The following DDN variants were observed in gnomAD, a reference collection of about 807,000 sequenced individuals.
DDN encodes dendrin.
In DDN, 4 loss-of-function variants were observed where a neutral mutation model predicts 7.3. The observed-to-expected ratio is 0.55, with a 90% CI of 0.27 to 1.25. DDN has a LOEUF of 1.25. Ranked by LOEUF, DDN falls within the 50% of genes most tolerant of loss-of-function variation. The pLI is 0.12. For synonymous variants in DDN, 425 were observed against 424.3 expected, an observed-to-expected ratio of 1.00 and a Z score of -0.02; for missense variants, 933 against 974.7, an observed-to-expected ratio of 0.96 and a Z score of 0.57.
At chr12:48,998,731 C>G in intron 1 of DDN, 65 bp from the exon 2 acceptor site, 1 of 1,419,988 alleles carries the variant, frequency 7.0e-7, no homozygotes, top group Non-Finnish European at 9.1e-7. Context: ...GTCCGGGGAG[C>G]TGGGAGCACT....
At position 48,996,951 on chromosome 12, in the gene DDN, T is replaced by A. The variant is rs370976391; in HGVS notation, c.1925A>T (p.Asp642Val). 3.2e-6 allele frequency: 5 copies of A among 1,583,952 alleles called. No homozygotes were observed. In the African/African-American group the frequency reaches 4.0e-5, roughly 13 times the overall value. ...GCCCGGGGCTTCTGTGTCGCTTCCA[T>A]CAGAGGAGCCGCTATGGACGCTGAG... ...EELSVHSGSS[D>V]GSDTEAPGAS... The change falls in exon 2 of 2, where the codon GAT (aspartate) becomes GTT (valine). Residue 642 changes from aspartate to valine, a missense_variant. Coordinates refer to ENST00000421952, the MANE Select transcript of DDN (RefSeq NM_015086.2).
intron 1 of DDN, 44 bp from the exon 2 acceptor site, chr12:48,998,710 A>G (rs1453300821): frequency 6.9e-7 from 1 of 1,445,470 alleles, no homozygotes; most frequent in Non-Finnish European, 9.0e-7. Context: ...TTGTGGGGGA[A>G]GGGAGCCGAG....
Position 48,997,970 on chromosome 12 carries a change from C to T in DDN, c.906G>A (p.Ala302=). The T allele has an allele frequency of 6.2e-7, 1 of 1,613,152 alleles. No homozygotes were observed. Among genetic ancestry groups the T allele is most frequent in the Non-Finnish European group, 8.5e-7 (1 of 1,180,006 alleles). The change falls in exon 2 of 2, where the codon GCG becomes GCA. Residue 302 remains alanine, a synonymous_variant. Transcript: ENST00000421952. The part of the protein sequence containing the change: ...GLLGGSPGCG[A]ARARPEPGKG... ...TGCCGGGCTCTGGCCTTGCTCTGGCCGCTCCACAGCCTGGGGATCCCCCCA... is the reference window on the plus strand; with the variant it reads ...TGCCGGGCTCTGGCCTTGCTCTGGCTGCTCCACAGCCTGGGGATCCCCCCA...
chr12:48,998,326 C>T lies in DDN; in HGVS notation c.550G>A (p.Asp184Asn), dbSNP rs867904797. 3 of 1,548,924 alleles carry T rather than the reference C, an allele frequency of 1.9e-6. No individual in the cohort carries two copies. In the Middle Eastern group the frequency reaches 5.3e-4, roughly 272 times the overall value. Residue 184 changes from aspartate (D) to asparagine (N), a missense_variant, in exon 2 of 2, where the codon GAC (aspartate) becomes AAC (asparagine). Asp to Asn is a conservative substitution (Grantham distance 23). Coordinates refer to ENST00000421952, the MANE Select transcript of DDN (RefSeq NM_015086.2). ...GGCCCCGCCCACGCCGACCCTGGGT[C>T]GCTCTGCGGCTGCGCGGATGGACGG... ...APRPSAQPQS[D>N]PGSAWAGPWG...
chr12:48,999,253 T>G lies in DDN; in HGVS notation c.35A>C (p.Asp12Ala). 1 of 1,560,194 alleles carries G rather than the reference T, an allele frequency of 6.4e-7. No homozygotes were observed. Among genetic ancestry groups the G allele is most frequent in the Non-Finnish European group, 8.7e-7 (1 of 1,151,922 alleles). The change falls in exon 1 of 2, where the codon GAC becomes GCC. Residue 12 changes from aspartate to alanine, a missense_variant. By Grantham distance (126) the Asp-to-Ala change is moderately radical. Transcript: ENST00000421952. ...LDGPLFSEGP[D>A]SPRELQDEES... is the part of the protein sequence containing the mutation. ...CTCATCCTGGAGCTCCCGGGGGCTG[T>G]CAGGCCCCTCGGAGAACAGTGGGCC...
In DDN at chr12:48,998,145, C is replaced by CT; in HGVS notation, c.730dup (p.Arg244LysfsTer81). The CT allele has an allele frequency of 6.2e-7, 1 of 1,613,580 alleles. No individual in the cohort carries two copies. Among genetic ancestry groups the CT allele is most frequent in the Non-Finnish European group, 8.5e-7 (1 of 1,179,996 alleles). On this transcript the variant is annotated frameshift_variant, in exon 2 of 2. Coordinates refer to ENST00000421952, the MANE Select transcript of DDN (RefSeq NM_015086.2). LOFTEE classifies it low-confidence loss of function (END_TRUNC). ...GGGCACCTGAGAGTTCCCGGGGCCT[C>CT]TCTTAGTCCCCAAGGTCCTATGGGG...
Position 48,999,375 on chromosome 12 carries a change from C to G in DDN, c.-88G>C. 1 of 1,270,190 alleles carries G rather than the reference C, an allele frequency of 7.9e-7. No individual in the cohort carries two copies. Among genetic ancestry groups the G allele is most frequent in the Non-Finnish European group, 1.1e-6 (1 of 936,150 alleles). The allele number at this position is 1,270,190 out of a possible 1,614,324, so 78.7% of individuals were successfully genotyped here. A position where few individuals can be genotyped will look rare whatever the true frequency, so the allele number is the denominator to read the frequency against. On this transcript the variant is annotated 5_prime_UTR_variant, in exon 1 of 2. Coordinates refer to ENST00000421952, the MANE Select transcript of DDN (RefSeq NM_015086.2). The stretch of plus-strand genomic sequence containing the variant: ...AGGGAGCCGGCGCCCACTGCAGAGC[C>G]GCGGGCCCGGGGACTGGGAACTATA...
At position 48,996,507 on chromosome 12, in the gene DDN, C is replaced by A; in HGVS notation, c.*233G>T. On this transcript the variant is annotated 3_prime_UTR_variant, in exon 2 of 2. Transcript: ENST00000421952. Reference sequence around the variant, plus strand: ...GCATCAGCCCCTGCGAAGAGCTCACCCTTGTGCCCTGAACATAACAGACAT... The same window carrying A: ...GCATCAGCCCCTGCGAAGAGCTCACACTTGTGCCCTGAACATAACAGACAT... 2 of 654,126 alleles carry A rather than the reference C, an allele frequency of 3.1e-6. No individual in the cohort carries two copies. The highest frequency in any genetic ancestry group is 4.5e-5 in the South Asian group (2 of 44,826). 40.5% of individuals were successfully genotyped at this position (654,126 alleles called of 1,614,324 possible). A position where few individuals can be genotyped will look rare whatever the true frequency, so the allele number is the denominator to read the frequency against.
chr12:48,998,699 T>C, intron 1 of DDN, 33 bp from the exon 2 acceptor site: 1 of 1,458,682 alleles, frequency 6.9e-7, no homozygotes, highest in Non-Finnish European at 9.0e-7. Context: ...AGGTGAGCAG[T>C]TTGTGGGGGA....
chr12:48,997,952 C>T lies in DDN; in HGVS notation c.924G>A (p.Glu308=), dbSNP rs372315136. ...PGCGAARARP[E]PGKGVVEKSL... ...TTTTCTCCACGACCCCCTTGCCGGG[C>T]TCTGGCCTTGCTCTGGCCGCTCCAC... The change falls in exon 2 of 2, where the codon GAG becomes GAA. Residue 308 remains glutamate (E), a synonymous_variant. Transcript: ENST00000421952. 1.2e-5 allele frequency: 20 copies of T among 1,612,988 alleles called. No individual in the cohort carries two copies. The highest frequency in any genetic ancestry group is 1.6e-5 in the Non-Finnish European group (19 of 1,180,012).
rs1442024718 is a variant in DDN at position 48,999,213 on chromosome 12, G to A, written c.75C>T (p.Cys25=). ...RELQDEESGS[C]LWVQKSKLLV... is the part of the protein sequence containing the mutation. ...ATAGCTTGGACTTCTGCACCCAGAGGCAGCTGCCAGACTCCTCATCCTGGA... is the reference window on the plus strand; with the variant it reads ...ATAGCTTGGACTTCTGCACCCAGAGACAGCTGCCAGACTCCTCATCCTGGA... The change falls in exon 1 of 2, where the codon TGC becomes TGT. Residue 25 remains cysteine, a synonymous_variant. Coordinates refer to ENST00000421952, the MANE Select transcript of DDN (RefSeq NM_015086.2). 1 of 1,601,562 alleles carries A rather than the reference G, an allele frequency of 6.2e-7. No homozygotes were observed. Among genetic ancestry groups the A allele is most frequent in the Non-Finnish European group, 8.5e-7 (1 of 1,174,100 alleles).
Position 48,998,918 on chromosome 12 carries a change from C to G in DDN, c.209+161G>C, listed in dbSNP as rs1445603042. ...TTTCTCACACCCACTTCTGTTCCCC[C>G]AAACAACGGGATGAGTCAGGCCCCA... On this transcript the variant is annotated intron_variant, in intron 1 of 1. Transcript: ENST00000421952. Among the ~76,000 whole-genome samples the G allele has an allele frequency of 2.0e-5, 3 of 152,190 alleles. No individual in the cohort carries two copies. In the East Asian group the frequency reaches 5.8e-4, roughly 29 times the overall value.
chr12:48,998,566 C>T lies in DDN; in HGVS notation c.310G>A (p.Glu104Lys). 1.3e-6 allele frequency: 2 copies of T among 1,592,282 alleles called. No homozygotes were observed. The highest frequency in any genetic ancestry group is 1.7e-6 in the Non-Finnish European group (2 of 1,176,636). Reference protein sequence around the residue: ...ATNWRAGPLAEVRAREQEKRK... With the variant: ...ATNWRAGPLAKVRAREQEKRK... ...TTCTCTTGCTCCCGAGCTCGGACCT[C>T]GGCCAGGGGCCCCGCCCGCCAGTTG... The change falls in exon 2 of 2, where the codon GAG becomes AAG. Residue 104 changes from glutamate to lysine, a missense_variant. By Grantham distance (56) the Glu-to-Lys change is moderately conservative. Coordinates refer to ENST00000421952, the MANE Select transcript of DDN (RefSeq NM_015086.2).
Position 48,997,802 on chromosome 12 carries a change from C to A in DDN, c.1074G>T (p.Pro358=), listed in dbSNP as rs757839498. The A allele has an allele frequency of 1.2e-6, 2 of 1,613,166 alleles. No homozygotes were observed. Among genetic ancestry groups the A allele is most frequent in the South Asian group, 2.2e-5 (2 of 90,990 alleles). Residue 358 remains proline (P), a synonymous_variant, in exon 2 of 2, where the codon CCG becomes CCT. Transcript: ENST00000421952. ...GGTGCCTGGATCTGGGAGCGGGATGCGGGGCACAGGGAGCCGCAGTTGCAG... is the reference window on the plus strand; with the variant it reads ...GGTGCCTGGATCTGGGAGCGGGATGAGGGGCACAGGGAGCCGCAGTTGCAG... ...AGSATAAPCA[P]HPAPRSRHHL...
chr12:48,997,079 GC>G lies in DDN; in HGVS notation c.1796del (p.Gly599AlafsTer78). ...CGTAGGGCCCTGGGGTCCGCGCCCA[GC>G]CCCGGCCGGCGCGCCGCTGGACCAC... ...VAVVQRRAGR[G>X]WARTPGPYAG... On this transcript the variant is annotated frameshift_variant, in exon 2 of 2. Coordinates refer to ENST00000421952, the MANE Select transcript of DDN (RefSeq NM_015086.2). LOFTEE classifies it high-confidence loss of function. 1 of 1,522,884 alleles carries G rather than the reference GC, an allele frequency of 6.6e-7. No individual in the cohort carries two copies. 94.3% of individuals were successfully genotyped at this position (1,522,884 alleles called of 1,614,324 possible).
chr12:48,998,611 T>C lies in DDN; in HGVS notation c.265A>G (p.Arg89Gly). The C allele has an allele frequency of 6.4e-7, 1 of 1,574,006 alleles. No homozygotes were observed. Among genetic ancestry groups the C allele is most frequent in the Non-Finnish European group, 8.6e-7 (1 of 1,168,434 alleles). ...QPPPRRPWAS[R>G]VLQEATNWRA... ...CAGTTGGTCGCCTCCTGCAGCACCCTGGAGGCCCAGGGCCGGCGGGGCGGC... is the reference window on the plus strand; with the variant it reads ...CAGTTGGTCGCCTCCTGCAGCACCCCGGAGGCCCAGGGCCGGCGGGGCGGC... The change falls in exon 2 of 2, where the codon AGG becomes GGG. Residue 89 changes from arginine (R) to glycine (G), a missense_variant. By Grantham distance (125) the Arg-to-Gly change is moderately radical. Transcript: ENST00000421952.
At position 48,998,163 on chromosome 12, in the gene DDN, C is replaced by T. The variant is rs1941241999; in HGVS notation, c.713G>A (p.Arg238Lys). 2 of 1,613,060 alleles carry T rather than the reference C, an allele frequency of 1.2e-6. No homozygotes were observed. The highest frequency in any genetic ancestry group is 4.5e-5 in the East Asian group (2 of 44,860). ...GGGGCCTCTCTTAGTCCCCAAGGTC[C>T]TATGGGGGCCTTCGTAAGAAGGTGG... is the stretch of plus-strand genomic sequence containing the variant. ...VAPPSYEGPHRTLGTKRGPGN... is the reference protein window; with the variant it reads ...VAPPSYEGPHKTLGTKRGPGN... The change falls in exon 2 of 2, where the codon AGG becomes AAG. Residue 238 changes from arginine (R) to lysine (K), a missense_variant. Transcript: ENST00000421952.
chr12:48,998,347 G>C lies in DDN; in HGVS notation c.529C>G (p.Pro177Ala). 6.6e-7 allele frequency: 1 copy of C among 1,518,994 alleles called. No individual in the cohort carries two copies. Among genetic ancestry groups the C allele is most frequent in the Non-Finnish European group, 8.8e-7 (1 of 1,141,038 alleles). 94.1% of individuals were successfully genotyped at this position (1,518,994 alleles called of 1,614,324 possible). ...GGGTCGCTCTGCGGCTGCGCGGATG[G>C]ACGGGGCGCTCGCCCCACAGGCGCC... ...RLAPVGRAPR[P>A]SAQPQSDPGS... The change falls in exon 2 of 2, where the codon CCA (proline) becomes GCA (alanine). Residue 177 changes from proline (P) to alanine (A), a missense_variant. By Grantham distance (27) the Pro-to-Ala change is conservative (BLOSUM62 -1). Transcript: ENST00000421952.
chr12:48,998,460 G>A lies in DDN; in HGVS notation c.416C>T (p.Pro139Leu). Residue 139 changes from proline to leucine, a missense_variant, in exon 2 of 2, where the codon CCC (proline) becomes CTC (leucine). Physicochemically the swap from Pro to Leu is moderately conservative, Grantham distance 98. Coordinates refer to ENST00000421952, the MANE Select transcript of DDN (RefSeq NM_015086.2). ...GGGCTCCGGGCGGGGTCGACCCGGGGGGCTCCGTCGGGCCCCACCAGCCTT... is the reference window on the plus strand; with the variant it reads ...GGGCTCCGGGCGGGGTCGACCCGGGAGGCTCCGTCGGGCCCCACCAGCCTT... ...RRKAGGARRS[P>L]PGRPRPEPRN... 1 of 1,558,746 alleles carries A rather than the reference G, an allele frequency of 6.4e-7. No homozygotes were observed. The highest frequency in any genetic ancestry group is 8.6e-7 in the Non-Finnish European group (1 of 1,161,734).
Sources: allele counts gnomAD v4.1 joint callset (sites outside exome capture counted in the v4.1 genomes callset), GRCh38; gene constraint gnomAD v4.1.1; transcripts MANE v1.5; gene names NCBI Gene and HGNC (gene_info 2026-07-23, HGNC 2026-07-21).